Variants in ARNT observed in about 807,000 individuals in gnomAD.
The protein encoded by ARNT is class E basic helix-loop-helix protein 2.
ARNT carries 30 observed loss-of-function variants against 105.0 expected under a neutral mutation model. The observed-to-expected ratio is 0.29, with a 90% CI of 0.21 to 0.39. ARNT has a LOEUF of 0.39. ARNT is among the 10% of genes least tolerant of loss of function. The pLI is 1.00. For synonymous variants in ARNT, 304 were observed against 344.0 expected, an observed-to-expected ratio of 0.88 and a Z score of 1.29; for missense variants, 748 against 978.7, an observed-to-expected ratio of 0.76 and a Z score of 3.15.
intron 11 of ARNT, 56 bp downstream of exon 11, chr1:150,829,848 T>C: frequency 1.3e-6 from 2 of 1,551,562 alleles, no homozygotes; most frequent in Non-Finnish European, 1.8e-6. Flanking sequence ...CAGGAATGAG[T>C]CCTGAAGATC....
chr1:150,863,730 T>C (rs1571491781), intron 1 of ARNT, among the ~76,000 whole-genome samples: 4 of 151,356 alleles, frequency 2.6e-5, no homozygotes, highest in African/African-American at 7.3e-5. Flanking sequence ...GATAGGAGAA[T>C]TGCTTGAACC....
chr1:150,844,976 A>C (rs1419049738), intron 4 of ARNT, among the ~76,000 whole-genome samples: 1 of 151,944 alleles, frequency 6.6e-6, no homozygotes, highest in Non-Finnish European at 1.5e-5. Context: ...TGCCCGGCTA[A>C]TTTTTATATT....
chr1:150,870,374 T>G (rs1667241553), intron 1 of ARNT, among the ~76,000 whole-genome samples: 1 of 152,242 alleles, frequency 6.6e-6, no homozygotes, highest in Non-Finnish European at 1.5e-5. Flanking sequence ...ACATTCATTT[T>G]TATTCCACAA....
At chr1:150,851,261 C>T (rs868612817) in intron 3 of ARNT, among the ~76,000 whole-genome samples, 27 of 124,254 alleles carry the variant, frequency 2.2e-4, no homozygotes, top group African/African-American at 8.0e-4. Flanking sequence ...TCCGCCCAGC[C>T]GCCGCCCCGT....
chr1:150,870,894 G>A (rs587663285), intron 1 of ARNT, among the ~76,000 whole-genome samples: 2 of 152,016 alleles, frequency 1.3e-5, no homozygotes. Context: ...GGGCCTCAGA[G>A]GGTGGCTCAC....
chr1:150,848,718 G>A (rs1662734902), intron 3 of ARNT, among the ~76,000 whole-genome samples: 1 of 151,996 alleles, frequency 6.6e-6, no homozygotes, highest in African/African-American at 2.4e-5. Flanking sequence ...TTTTTGTACA[G>A]ATGGAGTTTT....
At chr1:150,874,018 T>TAAAAAAAAAAAAAAAAAAAAA (rs58707975) in intron 1 of ARNT, among the ~76,000 whole-genome samples, 3 of 64,416 alleles carry the variant, frequency 4.7e-5, no homozygotes, top group Admixed American at 1.6e-4. Flanking sequence ...ACAAGAATTG[T>TAAAAAAAAAAAAAAAAAAAAA]AAAAAAAAAA....
At chr1:150,836,794 C>A (rs587737249) in intron 6 of ARNT, among the ~76,000 whole-genome samples, 1 of 152,350 alleles carries the variant, frequency 6.6e-6, no homozygotes, top group East Asian at 1.9e-4. Flanking sequence ...GTAATCCCAG[C>A]ACTTTGGGAG....
chr1:150,876,419 C>T, intron 1 of ARNT, 124 bp downstream of exon 1: 1 of 1,455,604 alleles, frequency 6.9e-7, no homozygotes, highest in Non-Finnish European at 9.1e-7. Flanking sequence ...CACCGTCTCT[C>T]GCGGCCCCCG....
intron 13 of ARNT, 27 bp downstream of exon 13, chr1:150,826,516 T>C (rs1352299636): frequency 6.3e-7 from 1 of 1,580,196 alleles, no homozygotes; most frequent in African/African-American, 1.4e-5. Flanking sequence ...AAATATTTAT[T>C]CAGAACCAAA....
intron 10 of ARNT, among the ~76,000 whole-genome samples, chr1:150,831,251 C>T (rs1356789776): frequency 6.6e-6 from 1 of 152,168 alleles, no homozygotes; most frequent in Admixed American, 6.5e-5. Flanking sequence ...CAATAATACC[C>T]AGGCAGCAGG....
rs749525889 is a variant in ARNT at position 150,829,211 on chromosome 1, T to C, written c.1049A>G (p.Asn350Ser). ...ACAAACATTACTCATGTCTGTACAGTTGGGAGAACTAGTTACCTGAGAGTG... is the reference window on the plus strand; with the variant it reads ...ACAAACATTACTCATGTCTGTACAGCTGGGAGAACTAGTTACCTGAGAGTG... ...IGRLQVTSSPNCTDMSNVCQP... is the reference protein window; with the variant it reads ...IGRLQVTSSPSCTDMSNVCQP... Residue 350 changes from asparagine to serine, a missense_variant, in exon 12 of 22, where the codon AAC (asparagine) becomes AGC (serine). By Grantham distance (46) the Asn-to-Ser change is conservative (BLOSUM62 1). This residue lies in a region of ARNT where 291 missense variants were observed against 444.6 expected (regional missense o/e 0.65). Coordinates refer to ENST00000358595, the MANE Select transcript of ARNT (RefSeq NM_001668.4). 5.6e-6 allele frequency: 9 copies of C among 1,613,686 alleles called. No individual in the cohort carries two copies. The highest frequency in any genetic ancestry group is 2.2e-5 in the South Asian group (2 of 90,994).
rs1167613267 is a variant in ARNT, at chr1:150,833,423, T to C, written c.804-1024A>G. On this transcript the variant is annotated intron_variant, in intron 8 of 21. Transcript: ENST00000358595. ...ATGAGAATCGCTTGAACCCAGGAGG[T>C]AGAGGTTGTAATGACCCAAGATCAT... is the stretch of plus-strand genomic sequence containing the variant. Among the ~76,000 whole-genome samples, 5 of 151,784 alleles carry C rather than the reference T, an allele frequency of 3.3e-5. No individual in the cohort carries two copies. The South Asian group carries it at 8.3e-4, about 25-fold the overall frequency.
chr1:150,831,231 C>G (rs1292242970), intron 10 of ARNT, among the ~76,000 whole-genome samples: 1 of 152,156 alleles, frequency 6.6e-6, no homozygotes. Flanking sequence ...TCCCCAAAAC[C>G]CCTACTTTCC....
rs1356425203 is a variant in ARNT, at chr1:150,814,230, T to G, written c.1960A>C (p.Thr654Pro). 3.7e-6 allele frequency: 6 copies of G among 1,613,870 alleles called. No individual in the cohort carries two copies. The highest frequency in any genetic ancestry group is 5.1e-6 in the Non-Finnish European group (6 of 1,179,950). ...RSGFSAQQVA[T>P]QATAKTRTSQ... ...GTACGAGTCTTAGCAGTAGCCTGGGTAGCCACCTGCTAAAGAGAGATGGAG... is the reference window on the plus strand; with the variant it reads ...GTACGAGTCTTAGCAGTAGCCTGGGGAGCCACCTGCTAAAGAGAGATGGAG... Residue 654 changes from threonine to proline, a missense_variant, in exon 20 of 22, where the codon ACC (threonine) becomes CCC (proline). Physicochemically the swap from Thr to Pro is conservative, Grantham distance 38. Around this residue, in one of 4 missense-constraint regions of ARNT, gnomAD observed 360 missense variants for 411.9 expected, o/e 0.87. Coordinates refer to ENST00000358595, the MANE Select transcript of ARNT (RefSeq NM_001668.4).
At chr1:150,857,042 A>G (rs1001096924) in intron 2 of ARNT, among the ~76,000 whole-genome samples, 1 of 152,230 alleles carries the variant, frequency 6.6e-6, no homozygotes, top group African/African-American at 2.4e-5. Context: ...AATCTGAAAA[A>G]TCAAAAACAA....
chr1:150,869,042 G>A (rs1000924965), intron 1 of ARNT, among the ~76,000 whole-genome samples: 2 of 151,776 alleles, frequency 1.3e-5, no homozygotes, highest in East Asian at 1.9e-4. Flanking sequence ...AGTGAGAATC[G>A]CTTGAGCCTA....
At chr1:150,813,359 A>G (rs1655136954) in intron 20 of ARNT, 21 bp from the exon 21 acceptor site, 1 of 1,573,962 alleles carries the variant, frequency 6.4e-7, no homozygotes, top group Admixed American at 1.8e-5. Context: ...AGCAAGGAAG[A>G]ATAAACAACT....
rs1655379365 is a variant in ARNT at position 150,814,289 on chromosome 1, T to C, written c.1951-50A>G. ...TAGAACAAATACAGCATTAACATCA[T>C]TGCACATACCATGCCTATGAGAGTC... On this transcript the variant is annotated intron_variant, in intron 19 of 21. Coordinates refer to ENST00000358595, the MANE Select transcript of ARNT (RefSeq NM_001668.4). The C allele has an allele frequency of 2.5e-6, 4 of 1,572,112 alleles. No individual in the cohort carries two copies. The African/African-American group carries it at 4.0e-5, about 16-fold the overall frequency.
Sources: gnomAD v4.1 joint callset for allele counts (sites outside exome capture counted in the v4.1 genomes callset) on GRCh38, gnomAD v4.1.1 for gene constraint, gnomAD v4.1.1 regional missense constraint, MANE v1.5 for transcripts, NCBI Gene and HGNC (gene_info 2026-07-23, HGNC 2026-07-21) for gene names.